Variants in ADAM18 observed in about 807,000 individuals in gnomAD.
ADAM18 encodes ADAM metallopeptidase domain 18.
A neutral mutation model predicts 94.4 loss-of-function variants in ADAM18; 117 were observed. That is an observed-to-expected ratio of 1.24 (90% confidence interval 1.07 to 1.45). ADAM18 has a LOEUF of 1.45. Among genes scored for constraint, ADAM18 ranks in the 40% most tolerant of loss-of-function variants. The pLI is 0.00. For missense variants in ADAM18, 936 were observed against 880.0 expected (o/e 1.06, Z -0.81); for synonymous variants, 327 against 291.6 (o/e 1.12, Z -1.24).
intron 2 of ADAM18, among the ~76,000 whole-genome samples, chr8:39,587,575 G>C (rs1166174054): frequency 6.6e-6 from 1 of 152,106 alleles, no homozygotes; most frequent in Non-Finnish European, 1.5e-5. Context: ...CTCCTGAGTG[G>C]CTGGGATTAC....
chr8:39,673,300 A>AT (rs2129580365), intron 14 of ADAM18, among the ~76,000 whole-genome samples: 1 of 152,218 alleles, frequency 6.6e-6, no homozygotes, highest in African/African-American at 2.4e-5. Context: ...GTAACCCCTG[A>AT]TTTGGCAAGT....
chr8:39,664,176 C>G (rs1820929248), intron 13 of ADAM18, among the ~76,000 whole-genome samples: 1 of 152,116 alleles, frequency 6.6e-6, no homozygotes, highest in Non-Finnish European at 1.5e-5. Context: ...AGATTTATTC[C>G]TGTTGTGTCT....
Position 39,658,753 on chromosome 8 carries a change from G to C in ADAM18, c.1231-5042G>C, listed in dbSNP as rs971011844. ...TACGCTGGTTTCTTAGTTTACCACT[G>C]CTGAGATTTCTTTCCCAGAAATCTA... On this transcript the variant is annotated intron_variant, in intron 12 of 19. Coordinates refer to ENST00000265707, the MANE Select transcript of ADAM18 (RefSeq NM_014237.3). Among the ~76,000 whole-genome samples, 4 of 152,276 alleles carry C rather than the reference G, an allele frequency of 2.6e-5. 1 individual carries two copies. The highest frequency in any genetic ancestry group is 2.6e-4 in the Admixed American group (4 of 15,300).
At chr8:39,677,071 A>G (rs1450844107) in intron 14 of ADAM18, among the ~76,000 whole-genome samples, 1 of 152,240 alleles carries the variant, frequency 6.6e-6, no homozygotes, top group Non-Finnish European at 1.5e-5. Context: ...GGAAAACTAT[A>G]TAAGTTCCAG....
rs759825328 is a variant in ADAM18, at chr8:39,723,863, T to C, written c.2133T>C (p.Asn711=). The C allele has an allele frequency of 6.4e-7, 1 of 1,568,642 alleles. No individual in the cohort carries two copies. The highest frequency in any genetic ancestry group is 8.6e-7 in the Non-Finnish European group (1 of 1,156,144). ...TCACCACTGTGATCTTTAAAAGAAA[T>C]GAAATAAGTAAATCATGTAACAGAG... is the stretch of plus-strand genomic sequence containing the variant. ...IVFTTVIFKR[N]EISKSCNREN... The change falls in exon 19 of 20, where the codon AAT becomes AAC. Residue 711 remains asparagine (N), a synonymous_variant. Transcript: ENST00000265707.
intron 6 of ADAM18, among the ~76,000 whole-genome samples, chr8:39,617,008 T>C (rs939258269): frequency 6.6e-6 from 1 of 152,068 alleles, no homozygotes; most frequent in Non-Finnish European, 1.5e-5. Flanking sequence ...AAACCAAAAA[T>C]TGACAATTGG....
At chr8:39,679,944 A>G (rs1029336963) in intron 15 of ADAM18, 93 bp from the exon 16 acceptor site, 12 of 1,215,144 alleles carry the variant, frequency 9.9e-6, no homozygotes, top group African/African-American at 9.2e-5. Flanking sequence ...TATACTATCA[A>G]TTAACAGTAT....
intron 16 of ADAM18, among the ~76,000 whole-genome samples, chr8:39,682,644 C>A (rs75875171): frequency 1.3e-4 from 20 of 151,980 alleles, no homozygotes; most frequent in East Asian, 1.9e-4. Context: ...AATCCCCCCC[C>A]ACACACACTT....
intron 14 of ADAM18, among the ~76,000 whole-genome samples, chr8:39,669,897 T>A (rs568911165): frequency 1.3e-5 from 2 of 152,332 alleles, no homozygotes; most frequent in African/African-American, 4.8e-5. Flanking sequence ...CACACTGACT[T>A]CCACAATGGT....
At position 39,606,355 on chromosome 8, in the gene ADAM18, G is replaced by A. The variant is rs200550133; in HGVS notation, c.181G>A (p.Gly61Arg). ...TGGACAACCTTACACTCTACATCTC[G>A]GAAAACAGTAAGATATGATTTTTTT... ...IDGQPYTLHL[G>R]KQSFLPQNFL... The change falls in exon 3 of 20, where the codon GGA (glycine) becomes AGA (arginine). Residue 61 changes from glycine (G) to arginine (R), a missense_variant. By Grantham distance (125) the Gly-to-Arg change is moderately radical (BLOSUM62 -2). Transcript: ENST00000265707. The A allele has an allele frequency of 5.5e-5, 85 of 1,548,326 alleles. No homozygotes were observed. The highest frequency in any genetic ancestry group is 3.4e-4 in the Middle Eastern group (2 of 5,942).
intron 14 of ADAM18, among the ~76,000 whole-genome samples, chr8:39,675,490 T>A (rs1821275164): frequency 6.6e-6 from 1 of 152,216 alleles, no homozygotes; most frequent in African/African-American, 2.4e-5. Flanking sequence ...TTTAAGGTCC[T>A]CTCTACACTG....
intron 14 of ADAM18, among the ~76,000 whole-genome samples, chr8:39,672,426 G>T (rs1821181348): frequency 6.6e-6 from 1 of 152,196 alleles, no homozygotes; most frequent in Non-Finnish European, 1.5e-5. Flanking sequence ...CAGTAGATAT[G>T]CAGTAGCAGA....
intron 16 of ADAM18, among the ~76,000 whole-genome samples, chr8:39,683,799 GA>G (rs1184219572): frequency 6.6e-6 from 1 of 152,056 alleles, no homozygotes; most frequent in East Asian, 1.9e-4. Context: ...CTAAAGGCAA[GA>G]TGGCAAATAT....
At chr8:39,610,377 G>GC (rs200924990) in intron 5 of ADAM18, 152 bp from the exon 6 acceptor site, 30 of 1,007,546 alleles carry the variant, frequency 3.0e-5, no homozygotes, top group South Asian at 1.4e-4. Context: ...ATGATAAACT[G>GC]CCCCCCCAAA....
At chr8:39,673,260 T>C (rs1821206524) in intron 14 of ADAM18, among the ~76,000 whole-genome samples, 1 of 152,150 alleles carries the variant, frequency 6.6e-6, no homozygotes, top group Non-Finnish European at 1.5e-5. Flanking sequence ...CTAGAGCAGA[T>C]TAGCATGGCC....
At chr8:39,627,453 C>T (rs944537840) in intron 6 of ADAM18, among the ~76,000 whole-genome samples, 19 of 152,116 alleles carry the variant, frequency 1.2e-4, no homozygotes, top group African/African-American at 3.6e-4. Flanking sequence ...TAGGTGGGGA[C>T]ACAGTCAAAC....
intron 18 of ADAM18, among the ~76,000 whole-genome samples, chr8:39,710,557 A>T (rs186324362): frequency 1.3e-5 from 2 of 152,354 alleles, no homozygotes; most frequent in Non-Finnish European, 2.9e-5. Context: ...CTGCAAGTCC[A>T]GGCTTTTTTA....
At chr8:39,714,240 G>A (rs1204462592) in intron 18 of ADAM18, among the ~76,000 whole-genome samples, 1 of 152,162 alleles carries the variant, frequency 6.6e-6, no homozygotes, top group Non-Finnish European at 1.5e-5. Context: ...AGTGAACAAT[G>A]AGATCACTTG....
intron 12 of ADAM18, among the ~76,000 whole-genome samples, chr8:39,652,903 ATGT>A (rs2129579730): frequency 6.6e-6 from 1 of 152,290 alleles, no homozygotes; most frequent in African/African-American, 2.4e-5. Context: ...CCTGGAGGAC[ATGT>A]TGAGTGAAAT....
Sources: allele counts gnomAD v4.1 joint callset (sites outside exome capture counted in the v4.1 genomes callset), GRCh38; gene constraint gnomAD v4.1.1; transcripts MANE v1.5; gene names NCBI Gene and HGNC (gene_info 2026-07-23, HGNC 2026-07-21).